Variants in NRXN1 observed in about 807,000 individuals in gnomAD.
The protein encoded by NRXN1 is neurexin 1.
In NRXN1, 39 loss-of-function variants were observed where a neutral mutation model predicts 150.9. The observed-to-expected ratio is 0.26, with a 90% CI of 0.20 to 0.34. The LOEUF (loss-of-function observed/expected upper bound fraction) is 0.34, where lower values mean the gene tolerates loss of function less well. NRXN1 is among the 10% of genes least tolerant of loss of function. NRXN1 has a pLI of 1.00. For missense variants in NRXN1, 1,815 were observed against 1,949.9 expected (o/e 0.93, Z 1.30); for synonymous variants, 924 against 757.0 (o/e 1.22, Z -3.62).
intron 5 of NRXN1, among the ~76,000 whole-genome samples, chr2:50,649,956 T>C (rs1285924417): frequency 3.3e-5 from 5 of 152,022 alleles, no homozygotes; most frequent in Non-Finnish European, 5.9e-5. Context: ...ACAAGTGGTC[T>C]AAATCCAGAC....
chr2:50,958,288 G>C (rs561858452), intron 2 of NRXN1, among the ~76,000 whole-genome samples: 4 of 152,054 alleles, frequency 2.6e-5, no homozygotes, highest in African/African-American at 9.7e-5. Flanking sequence ...TGTGTACCCA[G>C]TAGAATTCTA....
At chr2:50,685,595 C>T (rs1047279454) in intron 5 of NRXN1, among the ~76,000 whole-genome samples, 1 of 152,222 alleles carries the variant, frequency 6.6e-6, no homozygotes, top group South Asian at 2.1e-4. Context: ...CCTCTCTTCT[C>T]AATATCCTCC....
chr2:50,591,409 T>C (rs188573920), intron 8 of NRXN1, among the ~76,000 whole-genome samples: 609 of 135,722 alleles, frequency 4.5e-3, no homozygotes, highest in Non-Finnish European at 8.6e-3. Flanking sequence ...GATAGATAGA[T>C]AGATAGATAG....
intron 17 of NRXN1, among the ~76,000 whole-genome samples, chr2:50,401,140 T>G (rs1367399382): frequency 6.6e-6 from 1 of 152,176 alleles, no homozygotes; most frequent in Non-Finnish European, 1.5e-5. Flanking sequence ...AATATGTTCA[T>G]ATTAGATACC....
At chr2:49,987,413 C>G (rs1488016827) in intron 21 of NRXN1, among the ~76,000 whole-genome samples, 4 of 152,098 alleles carry the variant, frequency 2.6e-5, no homozygotes, top group Non-Finnish European at 1.5e-5. Context: ...ATATTTAGAG[C>G]ATATATTATT....
chr2:50,111,647 GAAA>G (rs1033625670), intron 18 of NRXN1, among the ~76,000 whole-genome samples: 1 of 147,096 alleles, frequency 6.8e-6, no homozygotes, highest in Non-Finnish European at 1.5e-5. Context: ...TCAAAAAAAA[GAAA>G]AAAAAAAGTT....
At chr2:50,533,199 C>T (rs566889048) in intron 10 of NRXN1, among the ~76,000 whole-genome samples, 1 of 152,160 alleles carries the variant, frequency 6.6e-6, no homozygotes, top group East Asian at 1.9e-4. Flanking sequence ...TTCCATCTAC[C>T]TCTTGACTTA....
At chr2:50,769,391 G>A (rs1023313265) in intron 5 of NRXN1, among the ~76,000 whole-genome samples, 2 of 152,044 alleles carry the variant, frequency 1.3e-5, no homozygotes, top group Non-Finnish European at 2.9e-5. Context: ...CTAGGGCAAG[G>A]TCTGATTTCT....
At chr2:49,935,646 T>C (rs1292183461) in intron 22 of NRXN1, among the ~76,000 whole-genome samples, 1 of 152,200 alleles carries the variant, frequency 6.6e-6, no homozygotes, top group Non-Finnish European at 1.5e-5. Context: ...TGAAAGCATA[T>C]TGGCTCCTCA....
intron 5 of NRXN1, among the ~76,000 whole-genome samples, chr2:50,838,727 C>T (rs960035512): frequency 2.6e-5 from 4 of 151,988 alleles, no homozygotes; most frequent in Admixed American, 2.0e-4. Flanking sequence ...CCAAGGACCA[C>T]CAGGGAAAAC....
At chr2:50,002,702 C>T (rs900032720) in intron 21 of NRXN1, among the ~76,000 whole-genome samples, 1 of 152,022 alleles carries the variant, frequency 6.6e-6, no homozygotes, top group Non-Finnish European at 1.5e-5. Context: ...CTGCCCTGCT[C>T]TGTCCGCCAT....
At chr2:50,324,545 ATTTG>A (rs1310274138) in intron 17 of NRXN1, among the ~76,000 whole-genome samples, 3 of 152,036 alleles carry the variant, frequency 2.0e-5, no homozygotes, top group African/African-American at 7.2e-5. Flanking sequence ...ATTTTATTTT[ATTTG>A]TTTATTTATT....
Position 50,199,523 on chromosome 2 carries a change from TTCTC to T in NRXN1, c.3546+37262_3546+37265del, listed in dbSNP as rs558051622. Among the ~76,000 whole-genome samples, 597 of 131,222 alleles carry T rather than the reference TTCTC, an allele frequency of 4.5e-3. 5 individuals carry two copies. Among genetic ancestry groups the T allele is most frequent in the African/African-American group, 0.016 (560 of 34,828 alleles). The allele number at this position is 131,222 out of a possible 152,430, so 86.1% of individuals were successfully genotyped here. ...AAGTAATCGCTCTCTCTCTTACTCATTCTCTCTTTCTTATACACACACACACACA... is the reference window on the plus strand; with the variant it reads ...AAGTAATCGCTCTCTCTCTTACTCATTCTTTCTTATACACACACACACACA... On this transcript the variant is annotated intron_variant, in intron 18 of 22. Transcript: ENST00000401669.
At chr2:50,834,909 T>C (rs1298875340) in intron 5 of NRXN1, among the ~76,000 whole-genome samples, 1 of 152,160 alleles carries the variant, frequency 6.6e-6, no homozygotes, top group African/African-American at 2.4e-5. Flanking sequence ...GCTTTAACAC[T>C]TGAATGCAGT....
chr2:50,594,770 C>G (rs1373438271), intron 8 of NRXN1, among the ~76,000 whole-genome samples: 1 of 152,096 alleles, frequency 6.6e-6, no homozygotes, highest in Non-Finnish European at 1.5e-5. Flanking sequence ...ATCCTGGGGA[C>G]TTCCTTGTTT....
intron 21 of NRXN1, among the ~76,000 whole-genome samples, chr2:50,033,887 C>T (rs1233424291): frequency 6.6e-6 from 1 of 150,456 alleles, no homozygotes; most frequent in Non-Finnish European, 1.5e-5. Flanking sequence ...CGCTCAGCAT[C>T]ATTGATCGTT....
chr2:50,641,514 G>T (rs1471829807), intron 5 of NRXN1, among the ~76,000 whole-genome samples: 1 of 151,956 alleles, frequency 6.6e-6, no homozygotes, highest in African/African-American at 2.4e-5. Context: ...TCCTACTTCA[G>T]GTCAGAGTTC....
At chr2:50,674,072 A>G (rs764007265) in intron 5 of NRXN1, among the ~76,000 whole-genome samples, 4 of 152,108 alleles carry the variant, frequency 2.6e-5, no homozygotes, top group African/African-American at 4.8e-5. Flanking sequence ...CATTCTGCAC[A>G]TGTACCCCAG....
intron 8 of NRXN1, among the ~76,000 whole-genome samples, chr2:50,555,239 T>C (rs1403239511): frequency 1.3e-5 from 2 of 152,170 alleles, no homozygotes; most frequent in Admixed American, 1.3e-4. Flanking sequence ...CTAACACTCA[T>C]TCTTATAATA....
Sources: gnomAD v4.1 joint callset for allele counts (sites outside exome capture counted in the v4.1 genomes callset) on GRCh38, gnomAD v4.1.1 for gene constraint, MANE v1.5 for transcripts, NCBI Gene and HGNC (gene_info 2026-07-23, HGNC 2026-07-21) for gene names.